The following RASAL2 variants were observed in gnomAD, a reference collection of about 807,000 sequenced individuals.
RASAL2 encodes ras GTPase-activating protein nGAP.
In RASAL2, 58 loss-of-function variants were observed where a neutral mutation model predicts 128.9. The observed-to-expected ratio is 0.45, with a 90% confidence interval of 0.36 to 0.56. The LOEUF is 0.56. Among genes scored for constraint, RASAL2 ranks in the 20% least tolerant of loss-of-function variants. The probability of loss-of-function intolerance (pLI) is 0.00; values close to 1 mark genes in which losing one functional copy is unlikely to be tolerated. For missense variants in RASAL2, 1,360 were observed against 1,601.6 expected, an observed-to-expected ratio of 0.85 and a Z score of 2.57; for synonymous variants, 561 against 580.8, an observed-to-expected ratio of 0.97 and a Z score of 0.49.
chr1:178,250,420 A>G (rs1035818184), intron 1 of RASAL2, among the ~76,000 whole-genome samples: 36 of 152,284 alleles, frequency 2.4e-4, no homozygotes, highest in African/African-American at 7.7e-4. Context: ...CGGACGCCCC[A>G]ACCCCACCAA....
chr1:178,288,068 C>T (rs1173450044), intron 2 of RASAL2, among the ~76,000 whole-genome samples: 1 of 152,002 alleles, frequency 6.6e-6, no homozygotes, highest in Non-Finnish European at 1.5e-5. Context: ...TAAGTATGTT[C>T]AGCATAATCA....
intron 1 of RASAL2, among the ~76,000 whole-genome samples, chr1:178,166,747 TTTTTTCGTGTACTAGGTAAGTAGG>T (rs1387153687): frequency 1.3e-5 from 2 of 152,028 alleles, no homozygotes; most frequent in Non-Finnish European, 1.5e-5. Context: ...ATTAGGAGTA[TTTTTTCGTGTACTAGGTAAGTAGG>T]TAGTCATAAA....
At chr1:178,326,365 T>G (rs186033774) in intron 3 of RASAL2, among the ~76,000 whole-genome samples, 2 of 152,200 alleles carry the variant, frequency 1.3e-5, no homozygotes, top group East Asian at 1.9e-4. Context: ...GTGAGAATAA[T>G]AAGTGGATTT....
chr1:178,427,615 A>G (rs999409421), intron 5 of RASAL2, among the ~76,000 whole-genome samples: 21 of 152,138 alleles, frequency 1.4e-4, no homozygotes, highest in Admixed American at 5.2e-4. Context: ...TATATAAAGA[A>G]AGTTGCAAAA....
intron 12 of RASAL2, among the ~76,000 whole-genome samples, chr1:178,455,430 A>T (rs1181562907): frequency 1.3e-5 from 2 of 152,204 alleles, no homozygotes; most frequent in South Asian, 2.1e-4. Flanking sequence ...TATGATAATG[A>T]TCTACTTATT....
At chr1:178,391,095 G>A (rs982450555) in intron 4 of RASAL2, among the ~76,000 whole-genome samples, 7 of 152,166 alleles carry the variant, frequency 4.6e-5, no homozygotes, top group African/African-American at 1.7e-4. Context: ...AATTGACCAG[G>A]CAGTATTGAG....
At position 178,094,569 on chromosome 1, in the gene RASAL2, A is replaced by G; in HGVS notation, c.77A>G (p.Asp26Gly). 1 of 1,601,268 alleles carries G rather than the reference A, an allele frequency of 6.2e-7. No homozygotes were observed. Among genetic ancestry groups the G allele is most frequent in the South Asian group, 1.1e-5 (1 of 89,170 alleles). The change falls in exon 1 of 18, where the codon GAC (aspartate) becomes GGC (glycine). Residue 26 changes from aspartate (D) to glycine (G), a missense_variant. This residue lies in a region of RASAL2 where 617 missense variants were observed against 714.2 expected (regional missense o/e 0.86). Coordinates refer to ENST00000367649, the MANE Select transcript of RASAL2 (RefSeq NM_170692.4). ...GAGATGTTCCCGGCGCTGGAGTCCG[A>G]CTCGCCGCTGCCCCCGGAGGACCTG... is the stretch of plus-strand genomic sequence containing the variant. ...WPEMFPALES[D>G]SPLPPEDLDA...
intron 2 of RASAL2, among the ~76,000 whole-genome samples, chr1:178,284,553 TA>T (rs538954055): frequency 3.8e-4 from 58 of 152,150 alleles, no homozygotes; most frequent in Non-Finnish European, 7.4e-4. Flanking sequence ...TCTTCTAAAT[TA>T]AAAAACTCTT....
intron 1 of RASAL2, among the ~76,000 whole-genome samples, chr1:178,142,281 G>T (rs757580655): frequency 6.6e-6 from 1 of 152,252 alleles, no homozygotes; most frequent in Non-Finnish European, 1.5e-5. Flanking sequence ...ACTGGGTAGG[G>T]TCCTTCCCAG....
chr1:178,362,721 T>A (rs568630345), intron 3 of RASAL2, among the ~76,000 whole-genome samples: 3 of 152,140 alleles, frequency 2.0e-5, no homozygotes, highest in African/African-American at 4.8e-5. Flanking sequence ...TTTTTCATTA[T>A]GTTTTTTTTT....
At chr1:178,262,746 C>G (rs1407567074) in intron 1 of RASAL2, among the ~76,000 whole-genome samples, 1 of 151,306 alleles carries the variant, frequency 6.6e-6, no homozygotes, top group Non-Finnish European at 1.5e-5. Context: ...TAAAACAGTG[C>G]TATTAAAAAG....
intron 1 of RASAL2, among the ~76,000 whole-genome samples, chr1:178,280,530 G>A (rs1286649665): frequency 6.6e-6 from 1 of 151,928 alleles, no homozygotes; most frequent in Non-Finnish European, 1.5e-5. Flanking sequence ...ATATACTGAA[G>A]TCCTCAGTAA....
intron 1 of RASAL2, among the ~76,000 whole-genome samples, chr1:178,146,039 A>G (rs1211417631): frequency 6.6e-6 from 1 of 152,236 alleles, no homozygotes; most frequent in South Asian, 2.1e-4. Flanking sequence ...ATTCTCTTCT[A>G]TAGTGAGAGA....
At chr1:178,256,215 A>G (rs919859473) in intron 1 of RASAL2, among the ~76,000 whole-genome samples, 11 of 152,214 alleles carry the variant, frequency 7.2e-5, no homozygotes, top group African/African-American at 2.4e-4. Context: ...AAGAAAATCA[A>G]TGACGGTAAT....
In RASAL2 at chr1:178,473,816, C is replaced by G. The variant is rs895166718; in HGVS notation, c.*577C>G. The G allele has an allele frequency of 3.3e-5, 5 of 153,414 alleles. No homozygotes were observed. Among genetic ancestry groups the G allele is most frequent in the Admixed American group, 3.3e-4 (5 of 15,342 alleles). The allele number at this position is 153,414 out of a possible 1,614,324, so 9.5% of individuals were successfully genotyped here. A position where few individuals can be genotyped will look rare whatever the true frequency, so the allele number is the denominator to read the frequency against. On this transcript the variant is annotated 3_prime_UTR_variant, in exon 18 of 18. Transcript: ENST00000367649. ...CAAAACAATAATTTATTCCACTGAT[C>G]AACCAAGACTGGTTCTGGTTGGACA...
At chr1:178,287,091 C>G (rs969749797) in intron 2 of RASAL2, among the ~76,000 whole-genome samples, 1 of 151,984 alleles carries the variant, frequency 6.6e-6, no homozygotes, top group African/African-American at 2.4e-5. Context: ...GTCAGTCATT[C>G]TCATCACTCC....
intron 1 of RASAL2, among the ~76,000 whole-genome samples, chr1:178,176,734 C>T (rs1353258694): frequency 6.6e-6 from 1 of 151,898 alleles, no homozygotes; most frequent in Non-Finnish European, 1.5e-5. Context: ...TAACCTCAAA[C>T]TCCCGTGCTC....
At chr1:178,175,705 G>A (rs771117027) in intron 1 of RASAL2, among the ~76,000 whole-genome samples, 2 of 149,840 alleles carry the variant, frequency 1.3e-5, no homozygotes, top group Non-Finnish European at 3.0e-5. Context: ...CCCAACCTCC[G>A]CCTTCTGAGT....
rs1374629215 is a variant in RASAL2 at position 178,433,183 on chromosome 1, C to T, written c.675-6239C>T. Among the ~76,000 whole-genome samples, 3 of 152,118 alleles carry T rather than the reference C, an allele frequency of 2.0e-5. No individual in the cohort carries two copies. In the South Asian group the frequency reaches 6.2e-4, roughly 32 times the overall value. ...CACCACAGCCTTGCATACTGTCATA[C>T]AGGCCTTTTCACATGCTATCCATTT... On this transcript the variant is annotated intron_variant, in intron 5 of 17. Coordinates refer to ENST00000367649, the MANE Select transcript of RASAL2 (RefSeq NM_170692.4).
Sources: allele counts gnomAD v4.1 joint callset (sites outside exome capture counted in the v4.1 genomes callset), GRCh38; gene constraint gnomAD v4.1.1; regional missense constraint gnomAD v4.1.1; transcripts MANE v1.5; gene names NCBI Gene and HGNC (gene_info 2026-07-23, HGNC 2026-07-21).